FRMD4A: variants seen among roughly 807,000 people sequenced by gnomAD.
FRMD4A encodes FERM domain containing 4A, also known as FERM domain-containing protein 4A.
A neutral mutation model predicts 129.1 loss-of-function variants in FRMD4A; 29 were observed. The ratio of observed to expected loss-of-function variants is 0.22; its 90% confidence interval spans 0.17 to 0.31. FRMD4A has a LOEUF of 0.31. Among genes scored for constraint, FRMD4A ranks in the 10% least tolerant of loss-of-function variants. The pLI is 1.00. For missense variants in FRMD4A, 1,272 were observed against 1,375.8 expected (o/e 0.92, Z 1.19); for synonymous variants, 634 against 571.6 (o/e 1.11, Z -1.56).
chr10:13,779,461 T>C (rs992199846), intron 6 of FRMD4A, among the ~76,000 whole-genome samples: 4 of 152,240 alleles, frequency 2.6e-5, no homozygotes, highest in African/African-American at 9.6e-5. Context: ...GAATTTGCCC[T>C]GACTGAATGC....
At chr10:14,210,003 C>T (rs543962063) in intron 2 of FRMD4A, among the ~76,000 whole-genome samples, 1 of 152,252 alleles carries the variant, frequency 6.6e-6, no homozygotes, top group African/African-American at 2.4e-5. Context: ...AGGAAGGATT[C>T]CAGGAGGAGC....
chr10:13,742,962 C>G (rs1462386089), intron 9 of FRMD4A, among the ~76,000 whole-genome samples: 2 of 152,204 alleles, frequency 1.3e-5, no homozygotes, highest in African/African-American at 2.4e-5. Context: ...TATTTCTCTT[C>G]CAATGACTAC....
At position 14,269,871 on chromosome 10, in the gene FRMD4A, C is replaced by A. The variant is rs77989955; in HGVS notation, c.45+60187G>T. Among the ~76,000 whole-genome samples, 1,430 of 152,264 alleles carry A rather than the reference C, an allele frequency of 9.4e-3. 25 individuals are homozygous for A. The highest frequency in any genetic ancestry group is 0.033 in the African/African-American group (1,369 of 41,542). ...CAGGACCGAACCAGCCCCTCTCCTG[C>A]AGAAAGAGAAACCCAGGTGATTTGG... On this transcript the variant is annotated intron_variant, in intron 2 of 24. Transcript: ENST00000357447.
intron 2 of FRMD4A, among the ~76,000 whole-genome samples, chr10:14,185,463 C>CA (rs1286773184): frequency 5.9e-5 from 9 of 152,144 alleles, no homozygotes; most frequent in South Asian, 2.1e-4. Flanking sequence ...GAAATTAGTA[C>CA]AAAAAACATT....
At chr10:13,716,951 A>T (rs192192411) in intron 12 of FRMD4A, among the ~76,000 whole-genome samples, 2 of 145,998 alleles carry the variant, frequency 1.4e-5, no homozygotes, top group Admixed American at 1.4e-4. Flanking sequence ...TTCCTTTCCT[A>T]TCCTCTGCCC....
intron 6 of FRMD4A, among the ~76,000 whole-genome samples, chr10:13,774,151 G>A (rs905517216): frequency 3.9e-5 from 6 of 152,138 alleles, no homozygotes; most frequent in African/African-American, 9.7e-5. Context: ...CTGCTCCACC[G>A]GAAGCACACA....
chr10:14,259,755 A>G (rs966080168), intron 2 of FRMD4A, among the ~76,000 whole-genome samples: 3 of 152,108 alleles, frequency 2.0e-5, no homozygotes, highest in Admixed American at 2.0e-4. Flanking sequence ...TTCTCTATTG[A>G]CTGCTATTTT....
At chr10:13,906,553 T>C (rs2094884009) in intron 2 of FRMD4A, among the ~76,000 whole-genome samples, 1 of 152,216 alleles carries the variant, frequency 6.6e-6, no homozygotes, top group Admixed American at 6.5e-5. Flanking sequence ...TTATTTCCAT[T>C]ATCAGCATCC....
intron 6 of FRMD4A, among the ~76,000 whole-genome samples, chr10:13,769,557 A>G (rs11592700): frequency 0.19 from 28,712 of 151,890 alleles, 3,441 homozygotes; most frequent in Non-Finnish European, 0.25. Context: ...TGATCCACCC[A>G]CCTCGGCCTC....
At chr10:14,146,472 A>G (rs1239635963) in intron 2 of FRMD4A, among the ~76,000 whole-genome samples, 1 of 152,234 alleles carries the variant, frequency 6.6e-6, no homozygotes, top group Non-Finnish European at 1.5e-5. Context: ...AATATCTAGC[A>G]TTTTGATCCC....
intron 7 of FRMD4A, among the ~76,000 whole-genome samples, 167 bp from the exon 8 acceptor site, chr10:13,761,836 C>T (rs970704903): frequency 6.6e-6 from 1 of 152,220 alleles, no homozygotes; most frequent in Non-Finnish European, 1.5e-5. Flanking sequence ...GAATGCACAC[C>T]TTTGCCATTT....
Position 14,014,339 on chromosome 10 carries a change from C to T in FRMD4A, c.46-155427G>A, listed in dbSNP as rs372173848. 1.5e-3 allele frequency among the ~76,000 whole-genome samples: 224 copies of T among 152,280 alleles called. 7 individuals are homozygous for T. The South Asian group carries it at 0.044, about 30-fold the overall frequency. ...TCTATGCATGTAACAAAATATCACA[C>T]GCCCCCCATTAATATGTACGTGTAT... On this transcript the variant is annotated intron_variant, in intron 2 of 24. Coordinates refer to ENST00000357447, the MANE Select transcript of FRMD4A (RefSeq NM_018027.5).
chr10:13,727,083 G>C (rs993329224), intron 12 of FRMD4A, among the ~76,000 whole-genome samples: 2 of 151,832 alleles, frequency 1.3e-5, no homozygotes, highest in African/African-American at 4.8e-5. Flanking sequence ...TGTATTTTTA[G>C]TAGAGACGGG....
chr10:14,312,038 G>T (rs1459010150), intron 2 of FRMD4A, among the ~76,000 whole-genome samples: 1 of 152,138 alleles, frequency 6.6e-6, no homozygotes, highest in East Asian at 1.9e-4. Flanking sequence ...AGTAAAATGT[G>T]CAAGGTTTCT....
rs780064569 is a variant in FRMD4A at position 13,674,982 on chromosome 10, T to C, written c.1180A>G (p.Arg394Gly). 4 of 1,614,058 alleles carry C rather than the reference T, an allele frequency of 2.5e-6. No homozygotes were observed. The highest frequency in any genetic ancestry group is 2.2e-5 in the East Asian group (1 of 44,878). ...KKDMLAALKS[R>G]QEALEETLRQ... Reference sequence around the variant, plus strand: ...AGGGTTTCCTCCAGAGCTTCCTGCCTGGACTTCAAGGCAGCCAGCATGTCC... The same window carrying C: ...AGGGTTTCCTCCAGAGCTTCCTGCCCGGACTTCAAGGCAGCCAGCATGTCC... The change falls in exon 16 of 25, where the codon AGG (arginine) becomes GGG (glycine). Residue 394 changes from arginine to glycine, a missense_variant. Around this residue, in one of 2 missense-constraint regions of FRMD4A, gnomAD observed 972 missense variants for 892.3 expected, o/e 1.09. Transcript: ENST00000357447.
chr10:13,704,452 G>A (rs776419186), intron 13 of FRMD4A, among the ~76,000 whole-genome samples: 28 of 152,044 alleles, frequency 1.8e-4, no homozygotes, highest in Non-Finnish European at 3.8e-4. Context: ...TCCCTCATTT[G>A]TTTATCCTAA....
rs530510780 is a variant in FRMD4A, at chr10:13,670,334, C to T, written c.1374+72G>A. On this transcript the variant is annotated intron_variant, in intron 17 of 24. Coordinates refer to ENST00000357447, the MANE Select transcript of FRMD4A (RefSeq NM_018027.5). ...GAAATGAAGAAATTGGTACAGAAAA[C>T]CTGGAAGGCCTGACCAATGGGAAAA... is the stretch of plus-strand genomic sequence containing the variant. 3,039 of 1,511,220 alleles carry T rather than the reference C, an allele frequency of 2.0e-3. 1 individual carries two copies. Among genetic ancestry groups the T allele is most frequent in the Non-Finnish European group, 2.5e-3 (2,799 of 1,098,406 alleles). 93.6% of individuals were successfully genotyped at this position (1,511,220 alleles called of 1,614,324 possible).
chr10:13,867,893 C>T (rs1292654529), intron 2 of FRMD4A, among the ~76,000 whole-genome samples: 3 of 136,234 alleles, frequency 2.2e-5, no homozygotes, highest in African/African-American at 8.2e-5. Flanking sequence ...ATATAATATA[C>T]AATAAATAAT....
intron 6 of FRMD4A, among the ~76,000 whole-genome samples, chr10:13,771,365 G>A (rs1004280371): frequency 5.9e-5 from 9 of 152,248 alleles, no homozygotes; most frequent in East Asian, 3.9e-4. Flanking sequence ...GAGCCACCAC[G>A]CCTGGCCAGC....
Sources: allele counts gnomAD v4.1 joint callset (sites outside exome capture counted in the v4.1 genomes callset), GRCh38; gene constraint gnomAD v4.1.1; regional missense constraint gnomAD v4.1.1; transcripts MANE v1.5; gene names NCBI Gene and HGNC (gene_info 2026-07-23, HGNC 2026-07-21).